GABRE: variants seen among roughly 807,000 people sequenced by gnomAD.
GABRE encodes gamma-aminobutyric acid receptor subunit epsilon.
A neutral mutation model predicts 31.0 loss-of-function variants in GABRE; 20 were observed. The ratio of observed to expected loss-of-function variants is 0.64; its 90% CI spans 0.45 to 0.94. GABRE has a LOEUF of 0.94. GABRE is among the 40% of genes least tolerant of loss of function. The pLI, the probability that GABRE is intolerant of heterozygous loss-of-function variation, is 0.00. For missense variants in GABRE, 420 were observed against 410.7 expected, an observed-to-expected ratio of 1.02 and a Z score of -0.20; for synonymous variants, 155 against 150.6, an observed-to-expected ratio of 1.03 and a Z score of -0.21.
intron 1 of GABRE, chrX:151,971,193 G>T: frequency 1.5e-6 from 1 of 670,200 alleles, no homozygotes; most frequent in Non-Finnish European, 2.0e-6. Flanking sequence ...CAGTGACAAA[G>T]GGGGCTTCTG....
At chrX:151,957,496 A>C in intron 6 of GABRE, 1 of 330,783 alleles carries the variant, frequency 3.0e-6, no homozygotes, top group Non-Finnish European at 5.9e-6. Flanking sequence ...ACTGCAATTT[A>C]AGACACTTCT....
chrX:151,955,057 G>A lies in GABRE; in HGVS notation c.1165C>T (p.Arg389Cys), dbSNP rs756016425. 9.2e-6 allele frequency: 11 copies of A among 1,200,374 alleles called. No individual in the cohort carries two copies. The highest frequency in any genetic ancestry group is 9.1e-5 in the South Asian group (5 of 54,895). The change falls in exon 9 of 9, where the codon CGT becomes TGT. Residue 389 changes from arginine to cysteine, a missense_variant. Arg to Cys is a radical substitution (Grantham distance 180). Transcript: ENST00000370328. ...CAGGCTCGGGAACGTGCACGGGTAC[G>A]GGCATGGGCACGGCTATTGATACGA... ...HPRINSRAHA[R>C]TRARSRACAR...
At position 151,965,666 on chromosome X, in the gene GABRE, T is replaced by C. The variant is rs151133410; in HGVS notation, c.343-3023A>G. Among the ~76,000 whole-genome samples the C allele has an allele frequency of 4.5e-3, 509 of 113,113 alleles. 2 individuals are homozygous for C. Among genetic ancestry groups the C allele is most frequent in the African/African-American group, 0.015 (460 of 31,189 alleles). ...TTTCTCTGCAGAATCCCTAGGTCTT[T>C]CCGCTGACTTCTTGTGCATCAAACA... On this transcript the variant is annotated intron_variant, in intron 3 of 8. Coordinates refer to ENST00000370328, the MANE Select transcript of GABRE (RefSeq NM_004961.4).
rs1168434774 is a variant in GABRE, at chrX:151,954,132, G to C, written c.*569C>G. 4 of 111,706 alleles carry C rather than the reference G, an allele frequency of 3.6e-5. No homozygotes were observed. The highest frequency in any genetic ancestry group is 1.3e-4 in the African/African-American group (4 of 30,713). 9.2% of individuals were successfully genotyped at this position (111,706 alleles called of 1,213,427 possible). A position where few individuals can be genotyped will look rare whatever the true frequency, so the allele number is the denominator to read the frequency against. On this transcript the variant is annotated 3_prime_UTR_variant, in exon 9 of 9. Coordinates refer to ENST00000370328, the MANE Select transcript of GABRE (RefSeq NM_004961.4). ...ATGCCAGTGTCTATCTATCTGCAGA[G>C]AAAGGGGTAGCAGGGAGAGAGAACT... is the stretch of plus-strand genomic sequence containing the variant.
intron 4 of GABRE, among the ~76,000 whole-genome samples, chrX:151,962,168 T>C (rs1028294311): frequency 3.1e-4 from 35 of 112,001 alleles, no homozygotes; most frequent in African/African-American, 1.0e-3. Context: ...TTGAGGGAGC[T>C]CTGGACTCGG....
intron 6 of GABRE, chrX:151,957,393 T>C (rs2124152560): frequency 3.1e-6 from 1 of 321,922 alleles, no homozygotes; most frequent in South Asian, 2.8e-5. Flanking sequence ...AGCTTTGGGA[T>C]AGAACTCCTC....
intron 1 of GABRE, chrX:151,972,276 G>T (rs1040933888): frequency 8.0e-6 from 6 of 751,985 alleles, no homozygotes; most frequent in Non-Finnish European, 9.4e-6. Flanking sequence ...GGCGAGGGAA[G>T]AACTGGGCTT....
At chrX:151,962,124 G>A (rs1934399503) in intron 4 of GABRE, among the ~76,000 whole-genome samples, 1 of 112,089 alleles carries the variant, frequency 8.9e-6, no homozygotes, top group Non-Finnish European at 1.9e-5. Flanking sequence ...GGATGGAATT[G>A]TCTAGATAAT....
intron 4 of GABRE, among the ~76,000 whole-genome samples, 160 bp downstream of exon 4, chrX:151,962,263 A>T (rs1020977863): frequency 9.0e-6 from 1 of 111,510 alleles, no homozygotes; most frequent in Non-Finnish European, 1.9e-5. Flanking sequence ...TGAGGCCTCT[A>T]TATCTGTTAC....
intron 3 of GABRE, among the ~76,000 whole-genome samples, chrX:151,967,394 G>A (rs1934557612): frequency 9.0e-6 from 1 of 111,708 alleles, no homozygotes; most frequent in African/African-American, 3.3e-5. Context: ...TTGGCTTTTG[G>A]CATGCTGAAG....
In GABRE at chrX:151,970,176, G is replaced by C; in HGVS notation, c.274+9C>G. ...TCTAGGAGGGGAAGAACGTCGTTCT[G>C]CTCCTCACCTCCAATGCCAGGGCGC... On this transcript the variant is annotated intron_variant, in intron 2 of 8. Transcript: ENST00000370328. 8.3e-7 allele frequency: 1 copy of C among 1,211,160 alleles called. No homozygotes were observed. The highest frequency in any genetic ancestry group is 1.1e-6 in the Non-Finnish European group (1 of 895,438).
chrX:151,971,629 G>T, intron 1 of GABRE: 1 of 125,568 alleles, frequency 8.0e-6, no homozygotes, highest in Non-Finnish European at 1.6e-5. Flanking sequence ...AGGGTGGGTG[G>T]TGTAAAAGAA....
intron 1 of GABRE, chrX:151,971,265 G>C: frequency 1.2e-5 from 4 of 334,230 alleles, no homozygotes; most frequent in Non-Finnish European, 5.8e-6. Flanking sequence ...GTCATATTCT[G>C]ACAACTCATC....
chrX:151,964,007 C>G (rs1243223372), intron 3 of GABRE, among the ~76,000 whole-genome samples: 2 of 111,956 alleles, frequency 1.8e-5, no homozygotes, highest in South Asian at 7.4e-4. Context: ...TAGAAAATAT[C>G]CAGAAGACAC....
chrX:151,969,899 G>C (rs1194030535), intron 2 of GABRE, 163 bp from the exon 3 acceptor site: 1 of 1,080,628 alleles, frequency 9.3e-7, no homozygotes, highest in African/African-American at 1.9e-5. Flanking sequence ...GCAAAACCAA[G>C]CTCACGGACT....
intron 3 of GABRE, 170 bp downstream of exon 3, chrX:151,969,499 C>G (rs1934620965): frequency 2.5e-6 from 1 of 393,050 alleles, no homozygotes; most frequent in African/African-American, 2.6e-5. Flanking sequence ...AAGGGACTTA[C>G]CTTTTCCAGT....
chrX:151,954,884 G>A lies in GABRE; in HGVS notation c.1338C>T (p.Cys446=). The stretch of plus-strand genomic sequence containing the variant: ...TCTTAAAACGCTTGCACCACTCACA[G>A]CAGGCCAGCTTGGAGCAGAGGCTGC... ...GPRSLCSKLA[C]CEWCKRFKKY... The change falls in exon 9 of 9, where the codon TGC becomes TGT. Residue 446 remains cysteine (C), a synonymous_variant. Coordinates refer to ENST00000370328, the MANE Select transcript of GABRE (RefSeq NM_004961.4). The A allele has an allele frequency of 8.3e-7, 1 of 1,211,534 alleles. No individual in the cohort carries two copies. The highest frequency in any genetic ancestry group is 1.1e-6 in the Non-Finnish European group (1 of 895,399).
At chrX:151,972,146 C>G in intron 1 of GABRE, 2 of 753,243 alleles carry the variant, frequency 2.7e-6, no homozygotes, top group Non-Finnish European at 3.1e-6. Context: ...GGACTGCCAA[C>G]TTAAGAAGCA....
intron 6 of GABRE, chrX:151,957,254 GA>G: frequency 8.8e-6 from 2 of 226,777 alleles, no homozygotes; most frequent in South Asian, 1.1e-4. Flanking sequence ...GGCTGGAGCT[GA>G]ATGAGAAGAG....
Sources: allele counts gnomAD v4.1 joint callset (sites outside exome capture counted in the v4.1 genomes callset), GRCh38; gene constraint gnomAD v4.1.1; transcripts MANE v1.5; gene names NCBI Gene and HGNC (gene_info 2026-07-23, HGNC 2026-07-21).